The following ADTRP variants were observed in gnomAD, a reference collection of about 807,000 sequenced individuals.
ADTRP encodes androgen-dependent TFPI-regulating protein.
ADTRP carries 20 observed loss-of-function variants against 27.0 expected under a neutral mutation model. The observed-to-expected ratio is 0.74, with a 90% CI of 0.52 to 1.08. ADTRP has a LOEUF of 1.08. Ranked by LOEUF, ADTRP falls within the 50% of genes least tolerant of loss-of-function variation. ADTRP has a pLI of 0.00. For synonymous variants in ADTRP, 101 were observed against 105.2 expected (o/e 0.96, Z 0.25); for missense variants, 251 against 275.0 (o/e 0.91, Z 0.62).
At chr6:11,754,576 A>T (rs955629402) in intron 3 of ADTRP, among the ~76,000 whole-genome samples, 1 of 152,246 alleles carries the variant, frequency 6.6e-6, no homozygotes, top group Non-Finnish European at 1.5e-5. Flanking sequence ...TGCTCTGCAG[A>T]ATTATTCCAC....
At chr6:11,774,511 T>C (rs186611920) in intron 1 of ADTRP, among the ~76,000 whole-genome samples, 128 of 152,182 alleles carry the variant, frequency 8.4e-4, no homozygotes, top group African/African-American at 2.6e-3. Context: ...CAAGGACTTA[T>C]GTGGTATTGC....
chr6:11,773,647 A>T (rs991565677), intron 1 of ADTRP, among the ~76,000 whole-genome samples: 2 of 152,152 alleles, frequency 1.3e-5, no homozygotes, highest in African/African-American at 4.8e-5. Context: ...CACTCCTGAG[A>T]GCTGGGGACT....
chr6:11,722,893 T>C (rs1762062618), intron 5 of ADTRP, among the ~76,000 whole-genome samples: 1 of 152,144 alleles, frequency 6.6e-6, no homozygotes, highest in African/African-American at 2.4e-5. Flanking sequence ...GAGGTACTGC[T>C]GAGTTGGGAG....
intron 5 of ADTRP, among the ~76,000 whole-genome samples, chr6:11,715,939 C>G (rs1761810690): frequency 6.7e-6 from 1 of 148,856 alleles, no homozygotes; most frequent in Non-Finnish European, 1.5e-5. Flanking sequence ...TCCCAAAGTG[C>G]TAGGATTACA....
In ADTRP at chr6:11,715,826, T is replaced by G. The variant is rs9368843; in HGVS notation, c.659-1314A>C. Among the ~76,000 whole-genome samples the G allele has an allele frequency of 5.7e-3, 402 of 70,148 alleles. 1 individual carries two copies. The highest frequency in any genetic ancestry group is 9.8e-3 in the Non-Finnish European group (244 of 24,826). The allele number at this position is 70,148 out of a possible 152,430, so 46.0% of individuals were successfully genotyped here. On this transcript the variant is annotated intron_variant, in intron 5 of 5. Transcript: ENST00000414691. ...CCCAGCTTTTTTTTTTTTTTTTTTT[T>G]TTTTTTTTTTTTTGCTTTTTTATTA...
chr6:11,728,586 A>G (rs901661580), intron 4 of ADTRP: 9 of 151,970 alleles, frequency 5.9e-5, no homozygotes, highest in African/African-American at 1.7e-4. Context: ...CTCTCCCCCA[A>G]CCCTGATTCG....
At chr6:11,717,945 T>C (rs1761886989) in intron 5 of ADTRP, among the ~76,000 whole-genome samples, 1 of 152,252 alleles carries the variant, frequency 6.6e-6, no homozygotes, top group Non-Finnish European at 1.5e-5. Context: ...TAAAATTCTT[T>C]TGCTATGGAA....
chr6:11,745,112 C>T (rs970094146), intron 3 of ADTRP, among the ~76,000 whole-genome samples: 1 of 151,910 alleles, frequency 6.6e-6, no homozygotes, highest in African/African-American at 2.4e-5. Context: ...GTGAGAATGG[C>T]ATCTACTCAT....
intron 3 of ADTRP, among the ~76,000 whole-genome samples, chr6:11,760,252 C>T (rs1006303438): frequency 6.6e-6 from 1 of 152,162 alleles, no homozygotes; most frequent in African/African-American, 2.4e-5. Flanking sequence ...TCTATCCTCC[C>T]CCCACACACT....
intron 3 of ADTRP, 130 bp from the exon 4 acceptor site, chr6:11,735,813 T>C: frequency 1.5e-6 from 1 of 662,136 alleles, no homozygotes; most frequent in Non-Finnish European, 2.7e-6. Context: ...TCATGCTCCC[T>C]AGATGCCCAA....
intron 4 of ADTRP, among the ~76,000 whole-genome samples, chr6:11,730,159 C>A (rs1371222119): frequency 6.6e-6 from 1 of 152,194 alleles, no homozygotes; most frequent in Non-Finnish European, 1.5e-5. Context: ...CATCCCTCTT[C>A]AGTTTGGATC....
chr6:11,764,914 A>C (rs1230690377), intron 3 of ADTRP, among the ~76,000 whole-genome samples: 6 of 142,156 alleles, frequency 4.2e-5, no homozygotes, highest in Admixed American at 4.2e-4. Context: ...AAAAAAAAAA[A>C]AAAGCAGGAA....
intron 3 of ADTRP, among the ~76,000 whole-genome samples, chr6:11,748,145 C>T (rs745421561): frequency 5.3e-5 from 8 of 152,184 alleles, no homozygotes; most frequent in Non-Finnish European, 8.8e-5. Context: ...CATGATTAGA[C>T]CACGTGTCTC....
intron 3 of ADTRP, among the ~76,000 whole-genome samples, chr6:11,762,188 C>T (rs915342152): frequency 1.3e-5 from 2 of 152,210 alleles, no homozygotes; most frequent in African/African-American, 4.8e-5. Context: ...GGCTCAAAGG[C>T]CATCCAGGCC....
intron 2 of ADTRP, 76 bp from the exon 3 acceptor site, chr6:11,766,451 AC>A: frequency 9.2e-7 from 1 of 1,089,772 alleles, no homozygotes; most frequent in South Asian, 1.4e-5. Context: ...TCAAGGAAAC[AC>A]AGCTAAATAA....
At chr6:11,750,945 A>G (rs1763026350) in intron 3 of ADTRP, among the ~76,000 whole-genome samples, 1 of 152,162 alleles carries the variant, frequency 6.6e-6, no homozygotes, top group African/African-American at 2.4e-5. Context: ...TCCGCCTCCC[A>G]GGCTCAAACG....
chr6:11,774,176 G>T (rs1309706966), intron 1 of ADTRP, among the ~76,000 whole-genome samples: 1 of 152,018 alleles, frequency 6.6e-6, no homozygotes, highest in Non-Finnish European at 1.5e-5. Context: ...CAGGCATGGT[G>T]GTGCATGCTG....
rs200363758 is a variant in ADTRP, at chr6:11,739,024, TC to T, written c.391-3342del. Among the ~76,000 whole-genome samples, 538 of 151,666 alleles carry T rather than the reference TC, an allele frequency of 3.5e-3. 3 individuals are homozygous for T. The highest frequency in any genetic ancestry group is 0.012 in the African/African-American group (509 of 41,252). Reference sequence around the variant, plus strand: ...TTTGACATAAATCATATGACCTTTGTCAGACAGCACATATTTCAAAAAAAAA... The same window carrying T: ...TTTGACATAAATCATATGACCTTTGTAGACAGCACATATTTCAAAAAAAAA... On this transcript the variant is annotated intron_variant, in intron 3 of 5. Transcript: ENST00000414691.
intron 1 of ADTRP, among the ~76,000 whole-genome samples, chr6:11,770,330 C>A (rs1028813489): frequency 1.3e-5 from 2 of 152,160 alleles, no homozygotes; most frequent in Non-Finnish European, 2.9e-5. Flanking sequence ...AGGCTGAGAA[C>A]CACCTGCCTG....
Sources: allele counts gnomAD v4.1 joint callset (sites outside exome capture counted in the v4.1 genomes callset), GRCh38; gene constraint gnomAD v4.1.1; transcripts MANE v1.5; gene names NCBI Gene and HGNC (gene_info 2026-07-23, HGNC 2026-07-21).